CNTN5: variants seen among roughly 807,000 people sequenced by gnomAD.
The protein encoded by CNTN5 is contactin 5.
Under a neutral mutation model 129.1 loss-of-function variants are expected in CNTN5, and 77 were observed. That is an observed-to-expected ratio of 0.60 (90% confidence interval 0.50 to 0.72). CNTN5 has a LOEUF of 0.72. CNTN5 is among the 30% of genes least tolerant of loss of function. The probability of loss-of-function intolerance (pLI) is 0.00; values close to 1 mark genes in which losing one functional copy is unlikely to be tolerated. For missense variants in CNTN5, 1,478 were observed against 1,328.8 expected (o/e 1.11, Z -1.75); for synonymous variants, 509 against 465.6 (o/e 1.09, Z -1.20).
intron 15 of CNTN5, among the ~76,000 whole-genome samples, chr11:100,214,062 A>G (rs927519363): frequency 2.6e-5 from 4 of 152,188 alleles, no homozygotes; most frequent in Non-Finnish European, 5.9e-5. Context: ...AAAGATGACA[A>G]ATATGTATCT....
chr11:100,040,149 T>C (rs1228810139), intron 9 of CNTN5, among the ~76,000 whole-genome samples: 3 of 151,132 alleles, frequency 2.0e-5, no homozygotes, highest in Non-Finnish European at 4.4e-5. Context: ...GGGTTTTTGG[T>C]GTGGATGTCC....
chr11:99,623,355 A>G (rs1294756298), intron 3 of CNTN5, among the ~76,000 whole-genome samples: 1 of 152,072 alleles, frequency 6.6e-6, no homozygotes, highest in African/African-American at 2.4e-5. Context: ...TCAAGATACT[A>G]TCTTTGACTA....
At chr11:99,151,908 A>G (rs555270357) in intron 1 of CNTN5, among the ~76,000 whole-genome samples, 1 of 152,242 alleles carries the variant, frequency 6.6e-6, no homozygotes, top group South Asian at 2.1e-4. Flanking sequence ...CATTAGGAGA[A>G]GACCTAATGT....
chr11:99,551,973 T>C (rs1014433038), intron 2 of CNTN5, among the ~76,000 whole-genome samples: 2 of 150,380 alleles, frequency 1.3e-5, no homozygotes, highest in East Asian at 4.0e-4. Context: ...AGTGGCACAA[T>C]CTTGGCTCAC....
At chr11:99,088,951 C>T (rs1866119220) in intron 1 of CNTN5, among the ~76,000 whole-genome samples, 1 of 152,168 alleles carries the variant, frequency 6.6e-6, no homozygotes. Flanking sequence ...TTAGTCTCTT[C>T]ATTGGGCATC....
intron 2 of CNTN5, among the ~76,000 whole-genome samples, chr11:99,507,630 T>C (rs894388533): frequency 6.6e-6 from 1 of 152,174 alleles, no homozygotes; most frequent in Non-Finnish European, 1.5e-5. Flanking sequence ...TAATATTTTA[T>C]ACATAACATT....
chr11:99,198,322 C>A (rs1859006163), intron 1 of CNTN5, among the ~76,000 whole-genome samples: 1 of 152,080 alleles, frequency 6.6e-6, no homozygotes, highest in South Asian at 2.1e-4. Flanking sequence ...ATTTTGAGAA[C>A]CACGATGAAG....
intron 6 of CNTN5, among the ~76,000 whole-genome samples, chr11:99,857,030 A>ATCTCCCTCTC (rs1948059381): frequency 7.5e-5 from 7 of 93,590 alleles, no homozygotes; most frequent in African/African-American, 1.2e-4. Context: ...ATCTATCTCT[A>ATCTCCCTCTC]TCTCCCTCTC....
intron 2 of CNTN5, among the ~76,000 whole-genome samples, chr11:99,417,994 G>T (rs894728171): frequency 3.3e-5 from 5 of 152,088 alleles, no homozygotes; most frequent in Admixed American, 6.6e-5. Context: ...ACTCTTTTCA[G>T]ATTTATGAAT....
intron 2 of CNTN5, among the ~76,000 whole-genome samples, chr11:99,373,514 G>A (rs1939959274): frequency 6.6e-6 from 1 of 151,986 alleles, no homozygotes; most frequent in African/African-American, 2.4e-5. Context: ...AGGAGTTAAA[G>A]ACCAGCTTGA....
At chr11:99,914,276 T>A (rs1949733743) in intron 6 of CNTN5, among the ~76,000 whole-genome samples, 1 of 151,994 alleles carries the variant, frequency 6.6e-6, no homozygotes, top group South Asian at 2.1e-4. Context: ...TGCCTAACTA[T>A]CTTGTATTGT....
At chr11:99,414,206 G>T (rs1174337874) in intron 2 of CNTN5, among the ~76,000 whole-genome samples, 1 of 152,078 alleles carries the variant, frequency 6.6e-6, no homozygotes, top group Non-Finnish European at 1.5e-5. Flanking sequence ...CTGAACAAAC[G>T]CTGAGAAAAT....
chr11:100,306,175 T>C (rs564013571), intron 20 of CNTN5, among the ~76,000 whole-genome samples: 14 of 151,800 alleles, frequency 9.2e-5, no homozygotes, highest in African/African-American at 2.9e-4. Flanking sequence ...AAATGTGAAA[T>C]GTAGGTGTGG....
chr11:99,163,525 C>A (rs894986381), intron 1 of CNTN5, among the ~76,000 whole-genome samples: 2 of 152,032 alleles, frequency 1.3e-5, no homozygotes, highest in South Asian at 4.1e-4. Context: ...ATTATCAGAT[C>A]ATTAGATTCT....
intron 3 of CNTN5, among the ~76,000 whole-genome samples, chr11:99,590,364 C>T (rs1949939384): frequency 6.6e-6 from 1 of 152,140 alleles, no homozygotes; most frequent in African/African-American, 2.4e-5. Flanking sequence ...GGTTCAAACC[C>T]TGGCATTGTT....
intron 1 of CNTN5, among the ~76,000 whole-genome samples, chr11:99,169,372 A>ATGTGTGTG (rs71046671): frequency 0.017 from 2,578 of 151,078 alleles, 24 homozygotes; most frequent in African/African-American, 0.031. Flanking sequence ...AATAAGCTAT[A>ATGTGTGTG]TGTGTGTGTG....
rs143566904 is a variant in CNTN5, at chr11:99,709,863, G to T, written c.56-109681G>T. On this transcript the variant is annotated intron_variant, in intron 3 of 24. Coordinates refer to ENST00000524871, the MANE Select transcript of CNTN5 (RefSeq NM_014361.4). ...AATTAGAGGAGAGCCCTTAGGTTTA[G>T]AGTTTTAAATTAAAAAAAGATCTAA... Among the ~76,000 whole-genome samples, 29 of 151,924 alleles carry T rather than the reference G, an allele frequency of 1.9e-4. No homozygotes were observed. The East Asian group carries it at 5.7e-3, about 30-fold the overall frequency.
intron 7 of CNTN5, among the ~76,000 whole-genome samples, chr11:99,926,961 G>T (rs547393670): frequency 6.6e-6 from 1 of 152,110 alleles, no homozygotes; most frequent in Non-Finnish European, 1.5e-5. Context: ...TTATGCAAAA[G>T]ATATTGGCAA....
intron 16 of CNTN5, among the ~76,000 whole-genome samples, chr11:100,249,649 A>C (rs1227960423): frequency 6.6e-6 from 1 of 152,202 alleles, no homozygotes; most frequent in Non-Finnish European, 1.5e-5. Context: ...CACATTTGTC[A>C]TCACTGAGAC....
Sources: gnomAD v4.1 joint callset for allele counts (sites outside exome capture counted in the v4.1 genomes callset) on GRCh38, gnomAD v4.1.1 for gene constraint, MANE v1.5 for transcripts, NCBI Gene and HGNC (gene_info 2026-07-23, HGNC 2026-07-21) for gene names.